The following KCNN2 variants were observed in gnomAD, a reference collection of about 807,000 sequenced individuals.
The protein encoded by KCNN2 is potassium calcium-activated channel subfamily N member 2.
KCNN2 carries 24 observed loss-of-function variants against 55.5 expected under a neutral mutation model. The observed-to-expected ratio is 0.43, with a 90% CI of 0.31 to 0.61. KCNN2 has a LOEUF of 0.61. Ranked by LOEUF, KCNN2 falls within the 20% of genes least tolerant of loss-of-function variation. KCNN2 has a pLI of 0.08. For missense variants in KCNN2, 754 were observed against 853.6 expected, an observed-to-expected ratio of 0.88 and a Z score of 1.45; for synonymous variants, 431 against 336.1, an observed-to-expected ratio of 1.28 and a Z score of -3.09.
At chr5:114,101,188 T>C (rs1202757945) in intron 1 of KCNN2, among the ~76,000 whole-genome samples, 1 of 151,918 alleles carries the variant, frequency 6.6e-6, no homozygotes, top group Non-Finnish European at 1.5e-5. Flanking sequence ...CCAGCTGTGG[T>C]CCACTTTTAA....
chr5:114,058,940 G>A (rs1345007411), intron 1 of KCNN2, among the ~76,000 whole-genome samples: 1 of 152,116 alleles, frequency 6.6e-6, no homozygotes, highest in Non-Finnish European at 1.5e-5. Flanking sequence ...AGACCAGCTC[G>A]GGGGGTCAAG....
At chr5:114,383,488 T>C (rs1271264470) in intron 2 of KCNN2, among the ~76,000 whole-genome samples, 1 of 119,588 alleles carries the variant, frequency 8.4e-6, no homozygotes, top group African/African-American at 3.4e-5. Flanking sequence ...TTTTTTTTTT[T>C]GAGGCAGTCT....
chr5:114,114,296 A>G (rs1160226627), intron 1 of KCNN2, among the ~76,000 whole-genome samples: 1 of 152,138 alleles, frequency 6.6e-6, no homozygotes, highest in African/African-American at 2.4e-5. Context: ...TGCTGCAATC[A>G]TAGCTCACTG....
intron 3 of KCNN2, among the ~76,000 whole-genome samples, chr5:114,413,930 T>G (rs539190388): frequency 6.6e-6 from 1 of 152,176 alleles, no homozygotes; most frequent in Non-Finnish European, 1.5e-5. Context: ...AGCATTCTCA[T>G]GTAATTCAGC....
chr5:114,462,763 G>A (rs866176893), intron 3 of KCNN2, among the ~76,000 whole-genome samples: 2 of 152,160 alleles, frequency 1.3e-5, no homozygotes, highest in African/African-American at 2.4e-5. Context: ...GGCAGGGGCC[G>A]GAGGAGTCTA....
intron 2 of KCNN2, among the ~76,000 whole-genome samples, chr5:114,275,263 G>A (rs3112756): frequency 0.9 from 136,539 of 152,170 alleles, 61,666 homozygotes; most frequent in East Asian, 0.94. Flanking sequence ...TTTTTACGTC[G>A]ATGTTCATCA....
chr5:114,414,338 T>A (rs1759230452), intron 3 of KCNN2, among the ~76,000 whole-genome samples: 1 of 152,174 alleles, frequency 6.6e-6, no homozygotes, highest in African/African-American at 2.4e-5. Flanking sequence ...AAATGGGGAA[T>A]GAGGTAGATT....
chr5:114,228,309 A>T (rs1049085225), intron 2 of KCNN2, among the ~76,000 whole-genome samples: 4 of 152,132 alleles, frequency 2.6e-5, no homozygotes, highest in Non-Finnish European at 5.9e-5. Context: ...AGTAAACAAT[A>T]GATTTATGTA....
intron 2 of KCNN2, among the ~76,000 whole-genome samples, chr5:114,280,200 G>A (rs544959206): frequency 3.2e-4 from 49 of 152,252 alleles, no homozygotes; most frequent in African/African-American, 9.4e-4. Context: ...CTGGATATTA[G>A]CCCTTTGTCA....
chr5:114,142,989 C>T (rs190829436), intron 1 of KCNN2, among the ~76,000 whole-genome samples: 20 of 152,084 alleles, frequency 1.3e-4, no homozygotes, highest in African/African-American at 1.4e-4. Flanking sequence ...TGCAATGCAA[C>T]GGGGCTCTTT....
chr5:114,198,461 T>TACACAC (rs1408821127), intron 1 of KCNN2, among the ~76,000 whole-genome samples: 195 of 89,082 alleles, frequency 2.2e-3, no homozygotes, highest in African/African-American at 5.8e-3. Context: ...TATATATACA[T>TACACAC]ATACACACAC....
At chr5:114,292,342 T>A (rs1369230253) in intron 2 of KCNN2, among the ~76,000 whole-genome samples, 1 of 152,240 alleles carries the variant, frequency 6.6e-6, no homozygotes, top group Non-Finnish European at 1.5e-5. Flanking sequence ...ATGTAAGTCT[T>A]TAATCCATCT....
intron 4 of KCNN2, among the ~76,000 whole-genome samples, chr5:114,466,684 G>A (rs1256994569): frequency 6.6e-6 from 1 of 151,920 alleles, no homozygotes; most frequent in African/African-American, 2.4e-5. Flanking sequence ...ACTAGAGTAT[G>A]GATGACTGGA....
intron 2 of KCNN2, among the ~76,000 whole-genome samples, chr5:114,354,458 C>G (rs1490095979): frequency 6.6e-6 from 1 of 151,990 alleles, no homozygotes; most frequent in Non-Finnish European, 1.5e-5. Context: ...AATATGAGGG[C>G]TAAAACTGCT....
intron 1 of KCNN2, among the ~76,000 whole-genome samples, chr5:114,070,136 CT>C (rs1271312668): frequency 4.6e-5 from 7 of 152,140 alleles, no homozygotes; most frequent in Non-Finnish European, 1.0e-4. Context: ...TGCTTTTCCC[CT>C]ATCTTGTCTT....
Position 114,241,764 on chromosome 5 carries a change from G to A in KCNN2, c.-185+20199G>A, listed in dbSNP as rs4705648. Among the ~76,000 whole-genome samples the A allele has an allele frequency of 4.8e-4, 4 of 8,324 alleles. 1 individual carries two copies. Among genetic ancestry groups the A allele is most frequent in the East Asian group, 5.9e-3 (1 of 170 alleles). The allele number at this position is 8,324 out of a possible 152,430, so 5.5% of individuals were successfully genotyped here. A position where few individuals can be genotyped will look rare whatever the true frequency, so the allele number is the denominator to read the frequency against. Reference sequence around the variant, plus strand: ...TACGTATATATATGTATATATATACGTATATATATACATATATACGTATAT... The same window carrying A: ...TACGTATATATATGTATATATATACATATATATATACATATATACGTATAT... On this transcript the variant is annotated intron_variant, in intron 2 of 10. Transcript: ENST00000512097.
intron 1 of KCNN2, among the ~76,000 whole-genome samples, chr5:114,167,167 C>T (rs930554146): frequency 6.6e-6 from 1 of 152,106 alleles, no homozygotes; most frequent in African/African-American, 2.4e-5. Context: ...TGATTTCAGG[C>T]CCTAACCTAC....
intron 2 of KCNN2, among the ~76,000 whole-genome samples, chr5:114,221,677 A>G (rs1008709370): frequency 2.0e-5 from 3 of 152,200 alleles, no homozygotes; most frequent in African/African-American, 4.8e-5. Flanking sequence ...CTATCTGCCT[A>G]TAGTTTAAAC....
At chr5:114,287,686 A>G (rs1297922386) in intron 2 of KCNN2, among the ~76,000 whole-genome samples, 1 of 152,016 alleles carries the variant, frequency 6.6e-6, no homozygotes, top group Non-Finnish European at 1.5e-5. Context: ...TGATGGGTGC[A>G]GTAAACCGCC....
Sources: allele counts gnomAD v4.1 joint callset (sites outside exome capture counted in the v4.1 genomes callset), GRCh38; gene constraint gnomAD v4.1.1; transcripts MANE v1.5; gene names NCBI Gene and HGNC (gene_info 2026-07-23, HGNC 2026-07-21).